DYNC1I1: variants seen among roughly 807,000 people sequenced by gnomAD.
The protein encoded by DYNC1I1 is cytoplasmic dynein 1 intermediate chain 1.
In DYNC1I1, 43 loss-of-function variants were observed where a neutral mutation model predicts 86.6. That is an observed-to-expected ratio of 0.50 (90% CI 0.39 to 0.64). The LOEUF is 0.64. DYNC1I1 is among the 30% of genes least tolerant of loss of function. The pLI, the probability that DYNC1I1 is intolerant of heterozygous loss-of-function variation, is 0.00. For missense variants in DYNC1I1, 604 were observed against 788.8 expected, an observed-to-expected ratio of 0.77 and a Z score of 2.81; for synonymous variants, 262 against 283.7, an observed-to-expected ratio of 0.92 and a Z score of 0.77.
chr7:96,016,308 T>G (rs1464420776), intron 10 of DYNC1I1, among the ~76,000 whole-genome samples: 4 of 151,964 alleles, frequency 2.6e-5, no homozygotes, highest in Non-Finnish European at 5.9e-5. Flanking sequence ...TTAGGTTTTT[T>G]TTTTTTTTTT....
intron 13 of DYNC1I1, among the ~76,000 whole-genome samples, chr7:96,037,450 C>A (rs148277672): frequency 1.6e-3 from 240 of 152,234 alleles, no homozygotes; most frequent in Non-Finnish European, 3.0e-3. Flanking sequence ...ATATCTGGAA[C>A]ATGAGTAGAA....
chr7:96,043,737 G>C (rs890741906), intron 14 of DYNC1I1, among the ~76,000 whole-genome samples: 2 of 151,104 alleles, frequency 1.3e-5, no homozygotes, highest in Non-Finnish European at 2.9e-5. Context: ...TTGAAATGTA[G>C]TCTCTCTCTG....
At chr7:95,931,186 C>G (rs1288525728) in intron 6 of DYNC1I1, among the ~76,000 whole-genome samples, 1 of 151,462 alleles carries the variant, frequency 6.6e-6, no homozygotes, top group Non-Finnish European at 1.5e-5. Context: ...CACTTTGTAG[C>G]CCAGGCTGGA....
intron 6 of DYNC1I1, among the ~76,000 whole-genome samples, chr7:95,916,112 T>C (rs1437330661): frequency 6.6e-6 from 1 of 152,180 alleles, no homozygotes; most frequent in Non-Finnish European, 1.5e-5. Context: ...ACAAAGAACA[T>C]CTAGAAGTCA....
chr7:95,991,148 T>C (rs2115727002), intron 9 of DYNC1I1, among the ~76,000 whole-genome samples: 1 of 152,358 alleles, frequency 6.6e-6, no homozygotes, highest in Non-Finnish European at 1.5e-5. Context: ...GCAGTAGCAG[T>C]ATTATCATTA....
At chr7:96,063,225 G>T (rs75273010) in intron 14 of DYNC1I1, among the ~76,000 whole-genome samples, 1 of 151,840 alleles carries the variant, frequency 6.6e-6, no homozygotes, top group Non-Finnish European at 1.5e-5. Flanking sequence ...GATTGCAAAG[G>T]GATGTGTTTA....
chr7:95,849,169 A>T (rs1165939092), intron 5 of DYNC1I1, among the ~76,000 whole-genome samples: 1 of 152,098 alleles, frequency 6.6e-6, no homozygotes, highest in African/African-American at 2.4e-5. Flanking sequence ...CCCATTTTGT[A>T]CATTGTCTCT....
chr7:95,975,918 G>A (rs1685815), intron 6 of DYNC1I1, among the ~76,000 whole-genome samples: 120,385 of 152,164 alleles, frequency 0.79, 47,893 homozygotes, highest in East Asian at 0.9. Context: ...AGGAAGATAC[G>A]TCATGTCGAG....
intron 14 of DYNC1I1, among the ~76,000 whole-genome samples, chr7:96,055,477 C>A (rs1416138557): frequency 1.3e-5 from 2 of 152,024 alleles, no homozygotes; most frequent in Non-Finnish European, 2.9e-5. Flanking sequence ...TATAGTTATT[C>A]TTTACAAAGT....
At chr7:95,988,661 A>G (rs1793656894) in intron 9 of DYNC1I1, among the ~76,000 whole-genome samples, 1 of 152,198 alleles carries the variant, frequency 6.6e-6, no homozygotes, top group Non-Finnish European at 1.5e-5. Context: ...CTGACATAAG[A>G]ACAGTGAGAG....
At chr7:95,995,719 G>A (rs574894746) in intron 9 of DYNC1I1, among the ~76,000 whole-genome samples, 2 of 152,150 alleles carry the variant, frequency 1.3e-5, no homozygotes, top group South Asian at 2.1e-4. Context: ...GAGGTAAAGC[G>A]ATGTTTGTAG....
intron 14 of DYNC1I1, among the ~76,000 whole-genome samples, chr7:96,067,104 T>A (rs1024067061): frequency 3.9e-4 from 59 of 152,174 alleles, no homozygotes; most frequent in African/African-American, 1.3e-3. Context: ...TTGGTAAATG[T>A]TCAAAATATC....
At chr7:96,054,349 G>A (rs1018250938) in intron 14 of DYNC1I1, among the ~76,000 whole-genome samples, 2 of 152,202 alleles carry the variant, frequency 1.3e-5, no homozygotes, top group Admixed American at 6.5e-5. Flanking sequence ...GTATTCCATG[G>A]TGTATATGTG....
chr7:96,041,572 C>A (rs1364323628), intron 14 of DYNC1I1, among the ~76,000 whole-genome samples: 1 of 152,152 alleles, frequency 6.6e-6, no homozygotes, highest in Non-Finnish European at 1.5e-5. Flanking sequence ...TCAAAAATCT[C>A]TATCAGTACA....
intron 6 of DYNC1I1, among the ~76,000 whole-genome samples, chr7:95,940,530 C>T (rs1329783598): frequency 2.0e-5 from 3 of 152,122 alleles, no homozygotes; most frequent in Non-Finnish European, 4.4e-5. Context: ...CTTCCCTTCT[C>T]GCTTCATTTC....
rs143320160 is a variant in DYNC1I1, at chr7:95,779,692, C to T, written c.-10+6919C>T. On this transcript the variant is annotated intron_variant, in intron 1 of 16. Coordinates refer to ENST00000447467, the MANE Select transcript of DYNC1I1 (RefSeq NM_001135556.2). ...CAGAGAACCTTACTCATGGTGAATA[C>T]TCAACAAGCTTTTGTTGACCTGAAA... 3.1e-4 allele frequency among the ~76,000 whole-genome samples: 47 copies of T among 152,336 alleles called. No homozygotes were observed. In the East Asian group the frequency reaches 9.1e-3, roughly 29 times the overall value.
rs561140178 is a variant in DYNC1I1 at position 96,086,416 on chromosome 7, C to G, written c.1776+5928C>G. Among the ~76,000 whole-genome samples, 4 of 152,276 alleles carry G rather than the reference C, an allele frequency of 2.6e-5. No individual in the cohort carries two copies. The South Asian group carries it at 8.3e-4, about 32-fold the overall frequency. Reference sequence around the variant, plus strand: ...TAGTCAAATGATAAAATTACAGAATCATTTTCAGCTCAAAGTAGGATTTGA... The same window carrying G: ...TAGTCAAATGATAAAATTACAGAATGATTTTCAGCTCAAAGTAGGATTTGA... On this transcript the variant is annotated intron_variant, in intron 16 of 16. Transcript: ENST00000447467.
intron 16 of DYNC1I1, among the ~76,000 whole-genome samples, chr7:96,086,188 C>A (rs1260102403): frequency 6.6e-6 from 1 of 152,186 alleles, no homozygotes; most frequent in Non-Finnish European, 1.5e-5. Context: ...CACACAGATG[C>A]AGCTGTCATA....
At chr7:96,006,452 T>C (rs1794144601) in intron 10 of DYNC1I1, among the ~76,000 whole-genome samples, 1 of 152,202 alleles carries the variant, frequency 6.6e-6, no homozygotes, top group Admixed American at 6.5e-5. Context: ...GTGTGCTTTG[T>C]CAAATTTGTG....
Sources: allele counts gnomAD v4.1 joint callset (sites outside exome capture counted in the v4.1 genomes callset), GRCh38; gene constraint gnomAD v4.1.1; transcripts MANE v1.5; gene names NCBI Gene and HGNC (gene_info 2026-07-23, HGNC 2026-07-21).